The following SLC26A5 variants were observed in gnomAD, a reference collection of about 807,000 sequenced individuals.
The protein encoded by SLC26A5 is solute carrier family 26 member 5.
A neutral mutation model predicts 81.0 loss-of-function variants in SLC26A5; 51 were observed. The ratio of observed to expected loss-of-function variants is 0.63; its 90% CI spans 0.50 to 0.80. The LOEUF is 0.80. Among genes scored for constraint, SLC26A5 ranks in the 30% least tolerant of loss-of-function variants. The probability of loss-of-function intolerance (pLI) is 0.00; values close to 1 mark genes in which losing one functional copy is unlikely to be tolerated. For synonymous variants in SLC26A5, 325 were observed against 332.8 expected (o/e 0.98, Z 0.25); for missense variants, 771 against 905.8 (o/e 0.85, Z 1.91).
chr7:103,377,037 T>C (rs1240455723), intron 18 of SLC26A5, among the ~76,000 whole-genome samples, 175 bp from the exon 19 acceptor site: 2 of 152,264 alleles, frequency 1.3e-5, no homozygotes, highest in Non-Finnish European at 2.9e-5. Context: ...GTATCTCTTT[T>C]GCTTTTTATG....
chr7:103,355,595 A>G, intron 19 of SLC26A5: 2 of 877,834 alleles, frequency 2.3e-6, no homozygotes, highest in Non-Finnish European at 3.7e-6. Flanking sequence ...CTCACAATGA[A>G]TGATTCAGTG....
intron 15 of SLC26A5, among the ~76,000 whole-genome samples, chr7:103,379,579 C>T (rs1170230476): frequency 6.6e-6 from 1 of 151,670 alleles, no homozygotes; most frequent in East Asian, 1.9e-4. Context: ...TTTTAACATG[C>T]ACATCTTTCC....
At chr7:103,439,598 A>G (rs1773626186) in intron 2 of SLC26A5, among the ~76,000 whole-genome samples, 1 of 152,134 alleles carries the variant, frequency 6.6e-6, no homozygotes. Context: ...CAGTGGTGCG[A>G]TCACAGCTCG....
rs975206173 is a variant in SLC26A5, at chr7:103,368,207, T to A, written c.2041+8601A>T. The A allele has an allele frequency of 8.4e-6, 6 of 716,572 alleles. No homozygotes were observed. The African/African-American group carries it at 1.1e-4, about 13-fold the overall frequency. 44.4% of individuals were successfully genotyped at this position (716,572 alleles called of 1,614,324 possible). On this transcript the variant is annotated intron_variant, in intron 19 of 19. Coordinates refer to the SLC26A5 transcript ENST00000339444. ...ATATAATAAAAGGTGATTTCTAATGTTATTAGGCAGAAAAGCTTGTTAGAA... is the reference window on the plus strand; with the variant it reads ...ATATAATAAAAGGTGATTTCTAATGATATTAGGCAGAAAAGCTTGTTAGAA...
In SLC26A5 at chr7:103,367,400, T is replaced by C. The variant is rs752919773; in HGVS notation, c.2041+9408A>G. 2 of 1,612,818 alleles carry C rather than the reference T, an allele frequency of 1.2e-6. No individual in the cohort carries two copies. Among genetic ancestry groups the C allele is most frequent in the Non-Finnish European group, 1.7e-6 (2 of 1,179,734 alleles). ...TGGACTTGAAGAGCTTATCTTTCCT[T>C]TTGTCTTCTCAGGGGCTCGTTTTGA... On this transcript the variant is annotated intron_variant, in intron 19 of 19. Transcript: ENST00000339444. The surrounding 1 kb of genome is among the most constrained non-coding windows in gnomAD (Gnocchi z 6.1).
intron 2 of SLC26A5, among the ~76,000 whole-genome samples, chr7:103,434,718 C>T (rs563135869): frequency 1.4e-3 from 217 of 152,262 alleles, no homozygotes; most frequent in African/African-American, 5.1e-3. Context: ...GTGGCGCGAC[C>T]TCAGCTCACT....
intron 19 of SLC26A5, among the ~76,000 whole-genome samples, chr7:103,360,217 C>T (rs1176748680): frequency 4.6e-5 from 7 of 151,954 alleles, no homozygotes; most frequent in Admixed American, 1.3e-4. Flanking sequence ...TAATGTTTTG[C>T]ATCTCATAAC....
chr7:103,396,357 A>G (rs1823109538), intron 9 of SLC26A5, among the ~76,000 whole-genome samples: 1 of 152,198 alleles, frequency 6.6e-6, no homozygotes, highest in African/African-American at 2.4e-5. Flanking sequence ...AAAGGTCTCA[A>G]AGACATATTT....
chr7:103,435,744 T>C (rs1826404269), intron 2 of SLC26A5, among the ~76,000 whole-genome samples: 1 of 152,200 alleles, frequency 6.6e-6, no homozygotes, highest in Non-Finnish European at 1.5e-5. Flanking sequence ...AGGGGATCAC[T>C]TGCACTCCGA....
intron 14 of SLC26A5, among the ~76,000 whole-genome samples, chr7:103,384,457 A>G (rs919366498): frequency 6.6e-6 from 1 of 151,946 alleles, no homozygotes; most frequent in African/African-American, 2.4e-5. Context: ...CAAAAAATAC[A>G]AAAAATTAGC....
At position 103,367,035 on chromosome 7, in the gene SLC26A5, G is replaced by A. The variant is rs1820754668; in HGVS notation, c.2041+9773C>T. Among the ~76,000 whole-genome samples, 1 of 152,008 alleles carries A rather than the reference G, an allele frequency of 6.6e-6. No homozygotes were observed. Among genetic ancestry groups the A allele is most frequent in the African/African-American group, 2.4e-5 (1 of 41,402 alleles). The stretch of plus-strand genomic sequence containing the variant: ...GGCCAGGCTGGTCTCGAACTCCTGA[G>A]GACAAGTTATTTTAACTAATCTCTG... On this transcript the variant is annotated intron_variant, in intron 19 of 19. Transcript: ENST00000339444. The surrounding 1 kb of genome is among the most constrained non-coding windows in gnomAD (Gnocchi z 6.1).
Position 103,367,336 on chromosome 7 carries a change from T to A in SLC26A5, c.2041+9472A>T. The A allele has an allele frequency of 7.2e-7, 1 of 1,396,770 alleles. No individual in the cohort carries two copies. The highest frequency in any genetic ancestry group is 1.0e-6 in the Non-Finnish European group (1 of 992,520). The allele number at this position is 1,396,770 out of a possible 1,614,324, so 86.5% of individuals were successfully genotyped here. A position where few individuals can be genotyped will look rare whatever the true frequency, so the allele number is the denominator to read the frequency against. ...CTGAGGACATGATTTGAGCTGAGAT[T>A]TTTGGTACTTTCAGGTCATGCATAG... On this transcript the variant is annotated intron_variant, in intron 19 of 19. Coordinates refer to the SLC26A5 transcript ENST00000339444. This position sits in a 1 kb window ranked among gnomAD's most constrained non-coding sequence, Gnocchi z 6.1.
chr7:103,394,016 G>A (rs1238264749), intron 9 of SLC26A5, among the ~76,000 whole-genome samples: 1 of 152,148 alleles, frequency 6.6e-6, no homozygotes, highest in Non-Finnish European at 1.5e-5. Flanking sequence ...CCATTTTACA[G>A]ATGAAGAAAA....
chr7:103,385,332 T>G (rs535092718), intron 14 of SLC26A5, among the ~76,000 whole-genome samples: 6 of 152,190 alleles, frequency 3.9e-5, no homozygotes, highest in African/African-American at 1.4e-4. Context: ...CTGGCTAATT[T>G]TTTGATCGAG....
At chr7:103,395,132 A>C (rs918714514) in intron 9 of SLC26A5, among the ~76,000 whole-genome samples, 13 of 152,152 alleles carry the variant, frequency 8.5e-5, no homozygotes, top group African/African-American at 3.1e-4. Flanking sequence ...CCTAACCTAC[A>C]CTAAAGAATT....
intron 8 of SLC26A5, among the ~76,000 whole-genome samples, chr7:103,407,577 G>A (rs557614569): frequency 7.2e-5 from 11 of 152,206 alleles, no homozygotes; most frequent in South Asian, 2.1e-4. Context: ...ATAAAAATTT[G>A]AGGAGAAAAT....
At chr7:103,370,747 C>T (rs1334236589), downstream of SLC26A5, among the ~76,000 whole-genome samples, 1 of 152,180 alleles carries the variant, frequency 6.6e-6, no homozygotes, top group Admixed American at 6.6e-5. Flanking sequence ...TTGGAGTTTC[C>T]TGGGCCCTGG....
intron 8 of SLC26A5, among the ~76,000 whole-genome samples, chr7:103,400,993 G>A (rs573580692): frequency 2.0e-5 from 3 of 152,302 alleles, no homozygotes; most frequent in Admixed American, 6.5e-5. Flanking sequence ...GTCAGGTAAC[G>A]TGTTGCATCC....
chr7:103,362,384 G>T, intron 19 of SLC26A5: 1 of 1,336,514 alleles, frequency 7.5e-7, no homozygotes, highest in Non-Finnish European at 9.5e-7. Context: ...CTTGCTTTAG[G>T]ATAGTTGTGA....
Sources: gnomAD v4.1 joint callset for allele counts (sites outside exome capture counted in the v4.1 genomes callset) on GRCh38, gnomAD v4.1.1 for gene constraint, Gnocchi (gnomAD v3.1) non-coding constraint, MANE v1.5 for transcripts, NCBI Gene and HGNC (gene_info 2026-07-23, HGNC 2026-07-21) for gene names.